The following SLA variants were observed in gnomAD, a reference collection of about 807,000 sequenced individuals.
The protein encoded by SLA is Src like adaptor.
A neutral mutation model predicts 30.3 loss-of-function variants in SLA; 16 were observed. That is an observed-to-expected ratio of 0.53 (90% CI 0.36 to 0.80). SLA has a LOEUF of 0.80. Ranked by LOEUF, SLA falls within the 30% of genes least tolerant of loss-of-function variation. The pLI, the probability that SLA is intolerant of heterozygous loss-of-function variation, is 0.01. For synonymous variants in SLA, 143 were observed against 137.8 expected (o/e 1.04, Z -0.26); for missense variants, 310 against 345.2 (o/e 0.90, Z 0.81).
intron 1 of SLA, chr8:133,075,977 G>A (rs746372931): frequency 6.6e-6 from 1 of 152,142 alleles, no homozygotes; most frequent in African/African-American, 2.4e-5. Flanking sequence ...TATACATTAT[G>A]TAAATATTGC....
At chr8:133,040,849 G>A (rs1838084891) in intron 7 of SLA, among the ~76,000 whole-genome samples, 1 of 152,304 alleles carries the variant, frequency 6.6e-6, no homozygotes, top group South Asian at 2.1e-4. Context: ...GACAAAGAAT[G>A]AAGACAATCT....
intron 3 of SLA, among the ~76,000 whole-genome samples, chr8:133,055,034 A>G (rs1480359912): frequency 6.6e-6 from 1 of 152,160 alleles, no homozygotes; most frequent in African/African-American, 2.4e-5. Flanking sequence ...CAAAGCTGGG[A>G]GAGTTTTAGT....
intron 2 of SLA, 95 bp downstream of exon 2, chr8:133,074,758 T>C: frequency 1.4e-6 from 1 of 731,602 alleles, no homozygotes; most frequent in Non-Finnish European, 1.7e-6. Context: ...AGGGAGCTCC[T>C]TTCTGACTCC....
intron 3 of SLA, among the ~76,000 whole-genome samples, chr8:133,055,824 C>CCAG (rs36210010): frequency 0.015 from 2,228 of 150,862 alleles, 24 homozygotes; most frequent in East Asian, 0.037. Flanking sequence ...CTCCTCATCA[C>CCAG]CAGCAGCAGC....
intron 1 of SLA, among the ~76,000 whole-genome samples, chr8:133,094,206 C>A (rs1419711779): frequency 1.3e-5 from 2 of 151,936 alleles, no homozygotes; most frequent in African/African-American, 4.8e-5. Context: ...CAGCTCCTAC[C>A]ACTTTCATTA....
chr8:133,049,036 G>T, intron 5 of SLA: 1 of 373,788 alleles, frequency 2.7e-6, no homozygotes, highest in Non-Finnish European at 5.5e-6. Context: ...TCCAGCTTCC[G>T]ACACTTGACA....
At chr8:133,079,602 G>A (rs756100415) in intron 1 of SLA, among the ~76,000 whole-genome samples, 2 of 152,174 alleles carry the variant, frequency 1.3e-5, no homozygotes, top group African/African-American at 2.4e-5. Flanking sequence ...CGGCAGATGT[G>A]ATGTTGCAGC....
chr8:133,074,482 A>G (rs1027323896), intron 2 of SLA, among the ~76,000 whole-genome samples: 11 of 152,194 alleles, frequency 7.2e-5, no homozygotes, highest in Non-Finnish European at 1.2e-4. Flanking sequence ...TACAGATGAG[A>G]AAATGAAGGT....
chr8:133,081,591 A>G (rs190338339), intron 1 of SLA, among the ~76,000 whole-genome samples: 15 of 152,030 alleles, frequency 9.9e-5, no homozygotes, highest in East Asian at 1.9e-4. Context: ...AGAAGAAGAA[A>G]AAAAAAGTAG....
At position 133,058,673 on chromosome 8, in the gene SLA, G is replaced by A. The variant is rs559299378; in HGVS notation, c.61+1427C>T. On this transcript the variant is annotated intron_variant, in intron 3 of 8. Coordinates refer to ENST00000338087, the MANE Select transcript of SLA (RefSeq NM_001045556.3). ...GTTTGGAGAGGGTGAGAAAGAGCCC[G>A]GCATTCTCCTGACAGCAGCAGCAGC... Among the ~76,000 whole-genome samples, 9 of 152,286 alleles carry A rather than the reference G, an allele frequency of 5.9e-5. No individual in the cohort carries two copies. The South Asian group carries it at 1.2e-3, about 21-fold the overall frequency.
intron 1 of SLA, among the ~76,000 whole-genome samples, chr8:133,077,255 C>T (rs142673892): frequency 7.9e-5 from 12 of 152,284 alleles, no homozygotes; most frequent in African/African-American, 2.9e-4. Context: ...GAGGCAGAGG[C>T]AGACAAGAGA....
At chr8:133,045,463 C>T (rs1038948717) in intron 6 of SLA, among the ~76,000 whole-genome samples, 7 of 136,970 alleles carry the variant, frequency 5.1e-5, no homozygotes, top group Admixed American at 4.9e-4. Context: ...GGTGCCATCT[C>T]AGCTCACTGC....
rs1382360918 is a variant in SLA, at chr8:133,037,305, A to T, written c.*1219T>A. 1 of 152,196 alleles carries T rather than the reference A, an allele frequency of 6.6e-6. No homozygotes were observed. Among genetic ancestry groups the T allele is most frequent in the East Asian group, 1.9e-4 (1 of 5,198 alleles). The allele number at this position is 152,196 out of a possible 1,614,324, so 9.4% of individuals were successfully genotyped here. ...CCCTTGTCTCTTAAAATTATGCATG[A>T]CATCATTAATCCACTTGGACTCCCC... On this transcript the variant is annotated 3_prime_UTR_variant, in exon 9 of 9. Transcript: ENST00000338087.
intron 1 of SLA, among the ~76,000 whole-genome samples, chr8:133,100,074 G>C (rs367748194): frequency 1.3e-5 from 2 of 152,184 alleles, no homozygotes; most frequent in East Asian, 3.8e-4. Flanking sequence ...TGTGACCTCT[G>C]TTAGCTCTCT....
intron 1 of SLA, chr8:133,076,759 T>TAAAAAAAAA (rs35056813): frequency 3.0e-4 from 38 of 128,442 alleles, no homozygotes; most frequent in African/African-American, 1.0e-3. Context: ...GATTTAGCTG[T>TAAAAAAAAA]AAAAAAAAAA....
Position 133,092,826 on chromosome 8 carries a change from A to G in SLA, c.-319+9727T>C, listed in dbSNP as rs529072095. The stretch of plus-strand genomic sequence containing the variant: ...CAACCGTTGGCTTGCGTAAACACCA[A>G]TTTTCCACGGTGAAAAAGGTTTCCT... On this transcript the variant is annotated intron_variant, in intron 1 of 8. Transcript: ENST00000338087. 2.6e-5 allele frequency among the ~76,000 whole-genome samples: 4 copies of G among 152,310 alleles called. No individual in the cohort carries two copies. The East Asian group carries it at 5.8e-4, about 22-fold the overall frequency.
At chr8:133,095,012 A>G (rs1455373986) in intron 1 of SLA, 3 of 1,612,184 alleles carry the variant, frequency 1.9e-6, no homozygotes, top group Admixed American at 3.3e-5. Flanking sequence ...GATGATCTGA[A>G]CCATCTGCCC....
At chr8:133,086,080 G>A (rs917286259) in intron 1 of SLA, among the ~76,000 whole-genome samples, 27 of 152,182 alleles carry the variant, frequency 1.8e-4, no homozygotes, top group Non-Finnish European at 1.6e-4. Flanking sequence ...TAAGATGGAT[G>A]AAGTAAAAGA....
intron 2 of SLA, among the ~76,000 whole-genome samples, chr8:133,072,124 C>T (rs2739150): frequency 0.61 from 92,882 of 151,990 alleles, 28,869 homozygotes; most frequent in East Asian, 0.79. Flanking sequence ...CACCAACCCC[C>T]TCTACACACA....
Sources: allele counts gnomAD v4.1 joint callset (sites outside exome capture counted in the v4.1 genomes callset), GRCh38; gene constraint gnomAD v4.1.1; transcripts MANE v1.5; gene names NCBI Gene and HGNC (gene_info 2026-07-23, HGNC 2026-07-21).